CACNA1E: variants seen among roughly 807,000 people sequenced by gnomAD.
The protein encoded by CACNA1E is calcium voltage-gated channel subunit alpha1 E.
CACNA1E carries 40 observed loss-of-function variants against 259.2 expected under a neutral mutation model. The ratio of observed to expected loss-of-function variants is 0.15; its 90% confidence interval spans 0.12 to 0.20. The LOEUF (loss-of-function observed/expected upper bound fraction) is 0.20, where lower values mean the gene tolerates loss of function less well. Ranked by LOEUF, CACNA1E falls within the 10% of genes least tolerant of loss-of-function variation. CACNA1E has a pLI of 1.00. For missense variants in CACNA1E, 1,874 were observed against 3,040.1 expected, an observed-to-expected ratio of 0.62 and a Z score of 9.02; for synonymous variants, 1,104 against 1,138.5, an observed-to-expected ratio of 0.97 and a Z score of 0.61.
intron 7 of CACNA1E, among the ~76,000 whole-genome samples, chr1:181,707,883 C>T (rs934356286): frequency 2.0e-4 from 30 of 152,012 alleles, no homozygotes; most frequent in Non-Finnish European, 5.9e-5. Context: ...GCAAAAAGCT[C>T]ACATAGAAGG....
At chr1:181,544,889 G>T (rs1230290736) in intron 3 of CACNA1E, among the ~76,000 whole-genome samples, 1 of 152,210 alleles carries the variant, frequency 6.6e-6, no homozygotes, top group Non-Finnish European at 1.5e-5. Flanking sequence ...GGTCATTGTG[G>T]TTGGTTGTTT....
chr1:181,340,256 G>T (rs112773881), intron 1 of CACNA1E, among the ~76,000 whole-genome samples: 6 of 151,682 alleles, frequency 4.0e-5, no homozygotes, highest in African/African-American at 1.4e-4. Flanking sequence ...TTTCTTATAG[G>T]TATATGCATC....
At chr1:181,444,326 A>AT (rs201825582) in intron 2 of CACNA1E, among the ~76,000 whole-genome samples, 2,033 of 107,006 alleles carry the variant, frequency 0.019, 54 homozygotes, top group African/African-American at 0.078. Context: ...GGACTGTGCT[A>AT]TTAAAAAAAA....
In CACNA1E at chr1:181,783,718, A is replaced by T. The variant is rs1299040920; in HGVS notation, c.5404A>T (p.Thr1802Ser). The T allele has an allele frequency of 1.9e-6, 3 of 1,612,420 alleles. No homozygotes were observed. Among genetic ancestry groups the T allele is most frequent in the Non-Finnish European group, 2.5e-6 (3 of 1,179,304 alleles). Residue 1802 changes from threonine (T) to serine (S), a missense_variant, in exon 40 of 48, where the codon ACG becomes TCG. Physicochemically the swap from Thr to Ser is moderately conservative, Grantham distance 58. Around this residue, in one of 14 missense-constraint regions of CACNA1E, gnomAD observed 147 missense variants for 337.1 expected, o/e 0.44. Transcript: ENST00000367573. ...GAACATGCCAGTAGCTGAGGACATGACGGTCCACTTCACCTCCACACTTAT... is the reference window on the plus strand; with the variant it reads ...GAACATGCCAGTAGCTGAGGACATGTCGGTCCACTTCACCTCCACACTTAT... ...LMNMPVAEDM[T>S]VHFTSTLMAL...
In CACNA1E at chr1:181,383,959, A is replaced by G. The variant is rs137962336; in HGVS notation, c.-14-29174A>G. Among the ~76,000 whole-genome samples, 592 of 152,368 alleles carry G rather than the reference A, an allele frequency of 3.9e-3. 3 individuals carry two copies. Among genetic ancestry groups the G allele is most frequent in the African/African-American group, 0.014 (565 of 41,592 alleles). ...CCAACAGAACTTTCCACGGTGATGC[A>G]ACTTTCCATGCCTCTGCTATCCACT... On this transcript the variant is annotated intron_variant, in intron 1 of 11. Transcript: ENST00000524607.
intron 6 of CACNA1E, among the ~76,000 whole-genome samples, chr1:181,626,261 C>G (rs76914117): frequency 6.6e-6 from 1 of 152,072 alleles, no homozygotes; most frequent in Non-Finnish European, 1.5e-5. Flanking sequence ...CATCCATAGT[C>G]TTATTAGACT....
At chr1:181,490,804 G>A (rs1229502578) in intron 1 of CACNA1E, among the ~76,000 whole-genome samples, 2 of 152,180 alleles carry the variant, frequency 1.3e-5, no homozygotes, top group Non-Finnish European at 2.9e-5. Context: ...TAAAAAGGAT[G>A]TAGCTGGATG....
chr1:181,463,747 AC>A (rs1661968328), intron 2 of CACNA1E, among the ~76,000 whole-genome samples: 1 of 151,852 alleles, frequency 6.6e-6, no homozygotes, highest in Non-Finnish European at 1.5e-5. Context: ...CCCCCACATG[AC>A]TTGTCTTTTT....
intron 6 of CACNA1E, among the ~76,000 whole-genome samples, chr1:181,634,734 C>A (rs951556805): frequency 2.6e-5 from 4 of 152,138 alleles, no homozygotes; most frequent in Non-Finnish European, 4.4e-5. Flanking sequence ...TTCTGCCCCT[C>A]ATTATCCACA....
intron 1 of CACNA1E, among the ~76,000 whole-genome samples, chr1:181,360,312 G>C (rs1236822164): frequency 6.6e-6 from 1 of 152,172 alleles, no homozygotes; most frequent in Non-Finnish European, 1.5e-5. Context: ...GTTCATAGAA[G>C]CATGATTTCT....
chr1:181,579,242 T>G lies in CACNA1E; in HGVS notation c.769+18T>G. On this transcript the variant is annotated intron_variant, in intron 5 of 47. Transcript: ENST00000367573. ...CAATTCAGGTAGGGTCGTTCTTTTC[T>G]GTCTTCTCCTTTTCCCTTCTCCCCT... 2 of 1,598,932 alleles carry G rather than the reference T, an allele frequency of 1.3e-6. No individual in the cohort carries two copies. The highest frequency in any genetic ancestry group is 1.7e-6 in the Non-Finnish European group (2 of 1,173,436).
chr1:181,644,903 G>T (rs1056244610), intron 6 of CACNA1E, among the ~76,000 whole-genome samples: 2 of 152,192 alleles, frequency 1.3e-5, no homozygotes, highest in Admixed American at 1.3e-4. Flanking sequence ...ACCAGCAGGG[G>T]CAGGAATAAC....
chr1:181,321,850 C>A (rs71632111), intron 1 of CACNA1E, among the ~76,000 whole-genome samples: 1 of 152,074 alleles, frequency 6.6e-6, no homozygotes, highest in Non-Finnish European at 1.5e-5. Flanking sequence ...TTGTGCAAAT[C>A]GGTAACCTAG....
At chr1:181,764,789 T>A (rs1658886707) in intron 34 of CACNA1E, among the ~76,000 whole-genome samples, 1 of 152,226 alleles carries the variant, frequency 6.6e-6, no homozygotes, top group South Asian at 2.1e-4. Flanking sequence ...AAAACCTTTT[T>A]TTTTTAGAGG....
At chr1:181,511,617 T>C (rs777904565) in intron 3 of CACNA1E, 107 bp downstream of exon 3, 30 of 1,287,252 alleles carry the variant, frequency 2.3e-5, no homozygotes, top group Non-Finnish European at 3.1e-5. Context: ...ATCTGTAGAG[T>C]AGGGGCAGAA....
chr1:181,442,416 T>C (rs1308805183), intron 2 of CACNA1E, among the ~76,000 whole-genome samples: 1 of 135,738 alleles, frequency 7.4e-6, no homozygotes, highest in Non-Finnish European at 1.6e-5. Context: ...GTGTGAAGGG[T>C]ACAGGTATAA....
intron 21 of CACNA1E, 62 bp downstream of exon 21, chr1:181,733,812 A>G (rs1381192320): frequency 1.6e-6 from 2 of 1,277,506 alleles, no homozygotes; most frequent in South Asian, 1.9e-5. Flanking sequence ...GGCTGGGGCC[A>G]TGACAATAAA....
chr1:181,354,497 G>A (rs910202848), intron 1 of CACNA1E, among the ~76,000 whole-genome samples: 2 of 152,130 alleles, frequency 1.3e-5, no homozygotes, highest in Non-Finnish European at 2.9e-5. Flanking sequence ...AGTGTGGGGG[G>A]CACTGTGGAG....
At chr1:181,710,641 A>C (rs1339060217) in intron 7 of CACNA1E, among the ~76,000 whole-genome samples, 1 of 152,224 alleles carries the variant, frequency 6.6e-6, no homozygotes, top group Non-Finnish European at 1.5e-5. Context: ...TTGTAGCTGA[A>C]GAGGTGGAAC....
Sources: allele counts gnomAD v4.1 joint callset (sites outside exome capture counted in the v4.1 genomes callset), GRCh38; gene constraint gnomAD v4.1.1; regional missense constraint gnomAD v4.1.1; transcripts MANE v1.5; gene names NCBI Gene and HGNC (gene_info 2026-07-23, HGNC 2026-07-21).